ATOSB: variants seen among roughly 807,000 people sequenced by gnomAD.
The protein encoded by ATOSB is atos homolog protein B.
At chr9:35,112,114 G>A in the ATOSB span, among the ~76,000 whole-genome samples, 1 of 152,174 alleles carries the variant, frequency 6.6e-6, no homozygotes, top group Non-Finnish European at 1.5e-5. Flanking sequence ...CCATGCCAGA[G>A]AAGAAAAAGG....
At chr9:35,105,620 G>A in the ATOSB span, 6 of 1,546,198 alleles carry the variant, frequency 3.9e-6, no homozygotes, top group South Asian at 1.1e-5. The surrounding 1 kb of genome is among the most constrained non-coding windows in gnomAD (Gnocchi z 5.5). Flanking sequence ...GAAGCAAGGA[G>A]AGATCCTCTT....
chr9:35,109,457 C>T, the ATOSB span: 2 of 152,374 alleles, frequency 1.3e-5, no homozygotes, highest in African/African-American at 2.4e-5. Context: ...CCTCTCCACG[C>T]CCCTCCCCCA....
At chr9:35,107,728 G>A in the ATOSB span, 5 of 1,594,392 alleles carry the variant, frequency 3.1e-6, no homozygotes, top group African/African-American at 4.0e-5. Flanking sequence ...AGTGTGTGCA[G>A]CTGGCCTGGA....
the ATOSB span, chr9:35,105,603 C>G: frequency 7.0e-7 from 1 of 1,434,512 alleles, no homozygotes; most frequent in Non-Finnish European, 9.6e-7. The surrounding 1 kb of genome is among the most constrained non-coding windows in gnomAD (Gnocchi z 5.5). Context: ...AGAATCCGGA[C>G]AGTATCGAAG....
chr9:35,114,878 G>A, the ATOSB span, among the ~76,000 whole-genome samples: 17 of 152,288 alleles, frequency 1.1e-4, no homozygotes, highest in Middle Eastern at 0.01. Context: ...GACCTGGGTG[G>A]TAGTGGTGGG....
At chr9:35,106,249 T>C in the ATOSB span, 1 of 1,613,344 alleles carries the variant, frequency 6.2e-7, no homozygotes. This position sits in a 1 kb window ranked among gnomAD's most constrained non-coding sequence, Gnocchi z 4.6. Flanking sequence ...AGTCAAGGCA[T>C]ACCAGGAAGG....
chr9:35,113,387 A>G, the ATOSB span, among the ~76,000 whole-genome samples: 1 of 152,178 alleles, frequency 6.6e-6, no homozygotes, highest in Admixed American at 6.5e-5. Flanking sequence ...GCACTTTGGG[A>G]GGCCAAAGTG....
At chr9:35,105,261 G>C in the ATOSB span, 1 of 1,614,044 alleles carries the variant, frequency 6.2e-7, no homozygotes, top group Non-Finnish European at 8.5e-7. The surrounding 1 kb of genome is among the most constrained non-coding windows in gnomAD (Gnocchi z 5.5). Context: ...AGGGGCCTCG[G>C]TCACAGCCTG....
At chr9:35,112,244 A>C in the ATOSB span, 1 of 152,212 alleles carries the variant, frequency 6.6e-6, no homozygotes. Context: ...AGATAGGGAT[A>C]CATTTTAATC....
the ATOSB span, chr9:35,106,754 C>G: frequency 2.0e-6 from 3 of 1,515,576 alleles, no homozygotes; most frequent in Non-Finnish European, 2.7e-6. This position sits in a 1 kb window ranked among gnomAD's most constrained non-coding sequence, Gnocchi z 4.6. Context: ...CCTGGGGTCC[C>G]CTACTCGGAT....
chr9:35,105,519 C>G, the ATOSB span: 1 of 1,139,456 alleles, frequency 8.8e-7, no homozygotes, highest in South Asian at 1.6e-5. The surrounding 1 kb of genome is among the most constrained non-coding windows in gnomAD (Gnocchi z 5.5). Context: ...TAGCGAGACC[C>G]CATCTCTAAA....
At chr9:35,112,202 T>G in the ATOSB span, 7 of 152,382 alleles carry the variant, frequency 4.6e-5, no homozygotes, top group East Asian at 1.2e-3. Context: ...GATGTTCTTT[T>G]GCCTTCTTTA....
the ATOSB span, among the ~76,000 whole-genome samples, chr9:35,114,053 T>C: frequency 6.6e-6 from 1 of 152,220 alleles, no homozygotes; most frequent in Admixed American, 6.5e-5. Flanking sequence ...CCTCTGCAGC[T>C]CTACAATTCT....
the ATOSB span, chr9:35,115,846 T>C: frequency 4.6e-5 from 7 of 152,284 alleles, no homozygotes; most frequent in African/African-American, 1.7e-4. Context: ...GACGTGGTAG[T>C]GGTTGGGGCA....
the ATOSB span, chr9:35,106,955 C>T: frequency 1.4e-6 from 2 of 1,432,254 alleles, no homozygotes; most frequent in East Asian, 5.0e-5. The surrounding 1 kb of genome is among the most constrained non-coding windows in gnomAD (Gnocchi z 4.6). Flanking sequence ...GGGGCAGAAG[C>T]TCATCACAAA....
chr9:35,105,781 T>G, the ATOSB span: 2 of 1,614,082 alleles, frequency 1.2e-6, no homozygotes, highest in East Asian at 2.2e-5. The surrounding 1 kb of genome is among the most constrained non-coding windows in gnomAD (Gnocchi z 5.5). Context: ...GAAGGTCATG[T>G]GGGCAGCAGG....
chr9:35,106,428 A>G, the ATOSB span: 5 of 1,614,144 alleles, frequency 3.1e-6, no homozygotes, highest in African/African-American at 1.3e-5. This position sits in a 1 kb window ranked among gnomAD's most constrained non-coding sequence, Gnocchi z 4.6. Flanking sequence ...TAGGGTAGGG[A>G]AAACACATGA....
chr9:35,116,208 C>T, the ATOSB span: 2 of 152,384 alleles, frequency 1.3e-5, no homozygotes, highest in East Asian at 3.9e-4. Flanking sequence ...CACCACGATC[C>T]CCCTCCCATC....
the ATOSB span, chr9:35,107,424 G>A: frequency 3.1e-6 from 5 of 1,613,978 alleles, no homozygotes; most frequent in East Asian, 2.2e-5. Context: ...GCTCCAGAAG[G>A]GTGTGGCTTT....
Sources: allele counts gnomAD v4.1 joint callset (sites outside exome capture counted in the v4.1 genomes callset), GRCh38; gene constraint gnomAD v4.1.1; non-coding constraint Gnocchi (gnomAD v3.1); transcripts MANE v1.5; gene names NCBI Gene and HGNC (gene_info 2026-07-23, HGNC 2026-07-21).